Variants in CUX1 observed in about 807,000 individuals in gnomAD.
CUX1 encodes protein CASP.
CUX1 carries 31 observed loss-of-function variants against 158.8 expected under a neutral mutation model. The ratio of observed to expected loss-of-function variants is 0.20; its 90% CI spans 0.15 to 0.26. The LOEUF is 0.26. Among genes scored for constraint, CUX1 ranks in the 10% least tolerant of loss-of-function variants. The pLI is 1.00. For missense variants in CUX1, 1,589 were observed against 2,014.6 expected, an observed-to-expected ratio of 0.79 and a Z score of 4.04; for synonymous variants, 879 against 862.1, an observed-to-expected ratio of 1.02 and a Z score of -0.34.
chr7:102,003,289 G>A (rs1286187492), intron 2 of CUX1, among the ~76,000 whole-genome samples: 1 of 85,704 alleles, frequency 1.2e-5, no homozygotes, highest in Non-Finnish European at 2.6e-5. Flanking sequence ...CCAGCACCTG[G>A]TGCCGAACAC....
chr7:101,973,010 T>C (rs1253795652), intron 2 of CUX1, among the ~76,000 whole-genome samples: 1 of 152,208 alleles, frequency 6.6e-6, no homozygotes, highest in Non-Finnish European at 1.5e-5. Context: ...TTTTTGATTC[T>C]AAAAATGACA....
intron 8 of CUX1, among the ~76,000 whole-genome samples, chr7:102,118,967 G>C (rs1389435087): frequency 6.6e-6 from 1 of 152,084 alleles, no homozygotes; most frequent in Non-Finnish European, 1.5e-5. Context: ...AGCCAGGATG[G>C]TCTTGATCTC....
chr7:102,266,562 G>A (rs914315944), intron 14 of CUX1, among the ~76,000 whole-genome samples: 1 of 152,054 alleles, frequency 6.6e-6, no homozygotes, highest in Non-Finnish European at 1.5e-5. Flanking sequence ...ATGGCATCCC[G>A]CATGGCCAGA....
chr7:101,817,519 A>C (rs1584624205), upstream of CUX1: 2 of 1,177,186 alleles, frequency 1.7e-6, no homozygotes, highest in African/African-American at 3.2e-5. This position sits in a 1 kb window ranked among gnomAD's most constrained non-coding sequence, Gnocchi z 4.1. Flanking sequence ...CGCCGTGCCC[A>C]AGGGGCGAGT....
In CUX1 at chr7:102,162,442, A is replaced by G. The variant is rs1790540502; in HGVS notation, c.723+3834A>G. ...GCATATGGCTCCCCATCCTGGGTTCAAGCGATTCTCCTGCCACAGCCTCCC... is the reference window on the plus strand; with the variant it reads ...GCATATGGCTCCCCATCCTGGGTTCGAGCGATTCTCCTGCCACAGCCTCCC... On this transcript the variant is annotated intron_variant, in intron 9 of 23. Coordinates refer to ENST00000292535, the MANE Select transcript of CUX1 (RefSeq NM_181552.4). Among the ~76,000 whole-genome samples, 15 of 152,208 alleles carry G rather than the reference A, an allele frequency of 9.9e-5. 1 individual carries two copies. The South Asian group carries it at 3.1e-3, about 32-fold the overall frequency.
chr7:102,038,107 A>C (rs1007933650), intron 3 of CUX1, among the ~76,000 whole-genome samples: 1 of 151,848 alleles, frequency 6.6e-6, no homozygotes, highest in African/African-American at 2.4e-5. Flanking sequence ...TGGTATGTTC[A>C]TGTGAACTAG....
chr7:101,900,458 C>T (rs992032424), intron 1 of CUX1, among the ~76,000 whole-genome samples: 5 of 152,180 alleles, frequency 3.3e-5, no homozygotes, highest in East Asian at 1.9e-4. Flanking sequence ...TCGCTGAATG[C>T]GGCACCGAAA....
At chr7:102,098,697 A>G in intron 5 of CUX1, among the ~76,000 whole-genome samples, 1 of 149,358 alleles carries the variant, frequency 6.7e-6, no homozygotes, top group South Asian at 2.2e-4. Flanking sequence ...GCTGGAGTGC[A>G]GTGCACGATC....
rs907002759 is a variant in CUX1 at position 102,224,539 on chromosome 7, G to A, written c.3131-2828G>A. On this transcript the variant is annotated intron_variant, in intron 20 of 23. Coordinates refer to ENST00000292535, the MANE Select transcript of CUX1 (RefSeq NM_181552.4). ...TACAAGCCACCTCCAGCAACCAGCC[G>A]CCACATGTCACTTTCACATGCCTGG... 2.0e-4 allele frequency among the ~76,000 whole-genome samples: 31 copies of A among 152,280 alleles called. No homozygotes were observed. The Middle Eastern group carries it at 0.01, about 50-fold the overall frequency.
At chr7:102,042,963 C>T (rs933602943) in intron 3 of CUX1, among the ~76,000 whole-genome samples, 2 of 151,894 alleles carry the variant, frequency 1.3e-5, no homozygotes, top group Admixed American at 6.6e-5. Flanking sequence ...TATATTTTTT[C>T]GATTTTAGTA....
chr7:101,912,257 C>T (rs964568988), intron 1 of CUX1, among the ~76,000 whole-genome samples: 60 of 135,482 alleles, frequency 4.4e-4, no homozygotes, highest in Non-Finnish European at 3.0e-4. Flanking sequence ...TCCTCCTCCT[C>T]TATCTCCATA....
At chr7:102,233,420 G>A (rs1239465428) in intron 21 of CUX1, among the ~76,000 whole-genome samples, 1 of 152,054 alleles carries the variant, frequency 6.6e-6, no homozygotes. Context: ...TCAAACCCCT[G>A]GGCTCAAATG....
At chr7:101,854,308 T>C (rs1471452607) in intron 1 of CUX1, among the ~76,000 whole-genome samples, 1 of 152,162 alleles carries the variant, frequency 6.6e-6, no homozygotes, top group Non-Finnish European at 1.5e-5. Flanking sequence ...GGGTAACATA[T>C]GATTAACACA....
chr7:101,881,677 G>T (rs1048816996), intron 1 of CUX1, among the ~76,000 whole-genome samples: 1 of 152,124 alleles, frequency 6.6e-6, no homozygotes, highest in African/African-American at 2.4e-5. Flanking sequence ...CCTTTTCAGC[G>T]ATTTGACAGC....
chr7:101,915,675 G>A (rs1305505039), intron 1 of CUX1, among the ~76,000 whole-genome samples: 3 of 152,162 alleles, frequency 2.0e-5, no homozygotes, highest in Non-Finnish European at 1.5e-5. Context: ...CCCCGAGGAG[G>A]GGATAGATCA....
chr7:101,984,849 G>A (rs140445846), intron 2 of CUX1, among the ~76,000 whole-genome samples: 250 of 152,244 alleles, frequency 1.6e-3, no homozygotes, highest in African/African-American at 5.7e-3. Context: ...TATTAAGATC[G>A]CATTAATCTT....
intron 1 of CUX1, among the ~76,000 whole-genome samples, chr7:101,853,047 A>G (rs879794422): frequency 7.9e-5 from 12 of 152,128 alleles, no homozygotes; most frequent in Admixed American, 4.6e-4. Flanking sequence ...GTTGCATACC[A>G]TGCATTTTGG....
chr7:102,269,838 A>G (rs1396681799), intron 14 of CUX1, among the ~76,000 whole-genome samples: 1 of 152,062 alleles, frequency 6.6e-6, no homozygotes, highest in East Asian at 1.9e-4. Flanking sequence ...AAACGCTTCC[A>G]AGCTCTGACC....
At chr7:102,052,877 G>A (rs891765613) in intron 3 of CUX1, among the ~76,000 whole-genome samples, 3 of 151,722 alleles carry the variant, frequency 2.0e-5, no homozygotes, top group East Asian at 1.9e-4. Flanking sequence ...GTGTGATCTC[G>A]GCTCAGTGCA....
Sources: gnomAD v4.1 joint callset for allele counts (sites outside exome capture counted in the v4.1 genomes callset) on GRCh38, gnomAD v4.1.1 for gene constraint, Gnocchi (gnomAD v3.1) non-coding constraint, MANE v1.5 for transcripts, NCBI Gene and HGNC (gene_info 2026-07-23, HGNC 2026-07-21) for gene names.